Variants in LMO3 observed in about 807,000 individuals in gnomAD.
LMO3 encodes LIM domain only protein 3.
A neutral mutation model predicts 15.8 loss-of-function variants in LMO3; 2 were observed. The ratio of observed to expected loss-of-function variants is 0.13; its 90% CI spans 0.05 to 0.40. The LOEUF (loss-of-function observed/expected upper bound fraction) is 0.40, where lower values mean the gene tolerates loss of function less well. Ranked by LOEUF, LMO3 falls within the 10% of genes least tolerant of loss-of-function variation. The pLI is 0.99. For synonymous variants in LMO3, 62 were observed against 63.8 expected (o/e 0.97, Z 0.13); for missense variants, 86 against 182.2 (o/e 0.47, Z 3.04).
Position 16,591,569 on chromosome 12 carries a change from C to T in LMO3, c.206+9086G>A, listed in dbSNP as rs889743019. ...GCTTATGTCAAGGCCTTTTACAGTA[C>T]CTAGAATATACAGAATGATCACATT... On this transcript the variant is annotated intron_variant, in intron 2 of 3. Coordinates refer to ENST00000537304, the MANE Select transcript of LMO3 (RefSeq NM_018640.5). The surrounding 1 kb of genome is among the most constrained non-coding windows in gnomAD (Gnocchi z 4.1). Among the ~76,000 whole-genome samples the T allele has an allele frequency of 1.3e-5, 2 of 151,744 alleles. No individual in the cohort carries two copies. Among genetic ancestry groups the T allele is most frequent in the Non-Finnish European group, 2.9e-5 (2 of 67,912 alleles).
intron 2 of LMO3, among the ~76,000 whole-genome samples, chr12:16,574,454 T>C (rs1046255883): frequency 3.9e-5 from 6 of 152,138 alleles, no homozygotes; most frequent in African/African-American, 1.2e-4. Flanking sequence ...GATGGCATAA[T>C]AGATATTCCC....
In LMO3 at chr12:16,591,126, G is replaced by A. The variant is rs1181660241; in HGVS notation, c.206+9529C>T. Reference sequence around the variant, plus strand: ...AAATGTATACGGGGCATTGTTTGTTGCAACAGTGATAGGTGGTACCATAGA... The same window carrying A: ...AAATGTATACGGGGCATTGTTTGTTACAACAGTGATAGGTGGTACCATAGA... On this transcript the variant is annotated intron_variant, in intron 2 of 3. Transcript: ENST00000537304. The surrounding 1 kb of genome is among the most constrained non-coding windows in gnomAD (Gnocchi z 4.1). 6.6e-6 allele frequency among the ~76,000 whole-genome samples: 1 copy of A among 151,678 alleles called. No homozygotes were observed. Among genetic ancestry groups the A allele is most frequent in the Admixed American group, 6.6e-5 (1 of 15,214 alleles).
At position 16,591,195 on chromosome 12, in the gene LMO3, C is replaced by G. The variant is rs1943486067; in HGVS notation, c.206+9460G>C. 6.6e-6 allele frequency among the ~76,000 whole-genome samples: 1 copy of G among 151,956 alleles called. No individual in the cohort carries two copies. Among genetic ancestry groups the G allele is most frequent in the Non-Finnish European group, 1.5e-5 (1 of 67,944 alleles). On this transcript the variant is annotated intron_variant, in intron 2 of 3. Transcript: ENST00000537304. This position sits in a 1 kb window ranked among gnomAD's most constrained non-coding sequence, Gnocchi z 4.1. ...CTTATTCTTGCCCCTCCTGCTCTCC[C>G]ACACCCCAGCTGCACTAGTATCTGT...
In LMO3 at chr12:16,586,663, C is replaced by A. The variant is rs768994326; in HGVS notation, c.206+13992G>T. On this transcript the variant is annotated intron_variant, in intron 2 of 3. Coordinates refer to ENST00000537304, the MANE Select transcript of LMO3 (RefSeq NM_018640.5). The surrounding 1 kb of genome is among the most constrained non-coding windows in gnomAD (Gnocchi z 4.3). ...CCTAGGATGTGGCAATAAGGCTATA[C>A]CGTCGGGGTAGAGATTTCAAGATAC... 3.9e-5 allele frequency among the ~76,000 whole-genome samples: 6 copies of A among 152,184 alleles called. No homozygotes were observed. The highest frequency in any genetic ancestry group is 5.9e-5 in the Non-Finnish European group (4 of 68,040).
rs1157618170 is a variant in LMO3 at position 16,603,522 on chromosome 12, T to C, written c.-9+2544A>G. Among the ~76,000 whole-genome samples, 1 of 152,160 alleles carries C rather than the reference T, an allele frequency of 6.6e-6. No homozygotes were observed. Among genetic ancestry groups the C allele is most frequent in the Non-Finnish European group, 1.5e-5 (1 of 68,004 alleles). On this transcript the variant is annotated intron_variant, in intron 1 of 3. Transcript: ENST00000537304. This position sits in a 1 kb window ranked among gnomAD's most constrained non-coding sequence, Gnocchi z 4.9. ...ATCAGAACTCATAACTAGTTTTAGATTGGCATGTAAATTGTTCTGAGGGAA... is the reference window on the plus strand; with the variant it reads ...ATCAGAACTCATAACTAGTTTTAGACTGGCATGTAAATTGTTCTGAGGGAA...
chr12:16,567,767 A>C (rs1362570580), intron 2 of LMO3, among the ~76,000 whole-genome samples: 2 of 152,020 alleles, frequency 1.3e-5, no homozygotes, highest in Non-Finnish European at 2.9e-5. Context: ...TGGTATTTTA[A>C]GAGAATCCTC....
At chr12:16,553,079 A>C (rs1942051130) in intron 3 of LMO3, among the ~76,000 whole-genome samples, 1 of 152,136 alleles carries the variant, frequency 6.6e-6, no homozygotes, top group Admixed American at 6.5e-5. Flanking sequence ...CATAGGTAAA[A>C]TAGCCACCTT....
chr12:16,562,097 C>T (rs1382023126), intron 2 of LMO3, among the ~76,000 whole-genome samples: 3 of 152,054 alleles, frequency 2.0e-5, no homozygotes, highest in Non-Finnish European at 4.4e-5. Flanking sequence ...AGAACTTGCT[C>T]GAAAATGTAA....
At chr12:16,575,823 C>CAG (rs3029720) in intron 2 of LMO3, among the ~76,000 whole-genome samples, 151,800 of 152,216 alleles carry the variant, frequency 1, 75,693 homozygotes, top group East Asian at 1. Flanking sequence ...CTAAATTCTT[C>CAG]ACTTTCTACT....
At chr12:16,556,069 C>T (rs1182534772) in intron 3 of LMO3, among the ~76,000 whole-genome samples, 1 of 152,158 alleles carries the variant, frequency 6.6e-6, no homozygotes, top group Admixed American at 6.5e-5. Flanking sequence ...TTATCCACCT[C>T]AGCTTCCACA....
rs541791919 is a variant in LMO3, at chr12:16,596,636, C to G, written c.206+4019G>C. Among the ~76,000 whole-genome samples, 18 of 151,734 alleles carry G rather than the reference C, an allele frequency of 1.2e-4. No homozygotes were observed. The highest frequency in any genetic ancestry group is 4.3e-4 in the African/African-American group (18 of 41,488). On this transcript the variant is annotated intron_variant, in intron 2 of 3. Coordinates refer to ENST00000537304, the MANE Select transcript of LMO3 (RefSeq NM_018640.5). The surrounding 1 kb of genome is among the most constrained non-coding windows in gnomAD (Gnocchi z 4.3). ...AAGTATTTTGGTATTTCTCCTAGTT[C>G]TATTTAATGCTTGCTGCAAAACATT...
At chr12:16,558,765 C>T (rs10744129) in intron 3 of LMO3, among the ~76,000 whole-genome samples, 151,783 of 152,294 alleles carry the variant, frequency 1, 75,637 homozygotes, top group East Asian at 1. Context: ...GTGATACATG[C>T]CTTGTGGGAA....
At chr12:16,578,336 A>G (rs1943056853) in intron 2 of LMO3, among the ~76,000 whole-genome samples, 1 of 152,164 alleles carries the variant, frequency 6.6e-6, no homozygotes, top group South Asian at 2.1e-4. Flanking sequence ...CCTGAACAAT[A>G]TAAATTAAAA....
chr12:16,605,234 T>C, intron 1 of LMO3: 1 of 1,297,450 alleles, frequency 7.7e-7, no homozygotes, highest in Non-Finnish European at 9.8e-7. Flanking sequence ...ATGGATTTGA[T>C]TAAACTGTCA....
chr12:16,604,685 A>C lies in LMO3; in HGVS notation c.-9+1381T>G. 1.5e-6 allele frequency: 1 copy of C among 657,256 alleles called. No homozygotes were observed. The highest frequency in any genetic ancestry group is 2.6e-6 in the Non-Finnish European group (1 of 383,458). The allele number at this position is 657,256 out of a possible 1,614,324, so 40.7% of individuals were successfully genotyped here. ...AGGGATGGTTTGCAAAGAATGTAGC[A>C]GTATTTGTTGCATCTAGCAAGATTA... On this transcript the variant is annotated intron_variant, in intron 1 of 3. Coordinates refer to ENST00000537304, the MANE Select transcript of LMO3 (RefSeq NM_018640.5). This position sits in a 1 kb window ranked among gnomAD's most constrained non-coding sequence, Gnocchi z 5.3.
intron 2 of LMO3, among the ~76,000 whole-genome samples, chr12:16,568,319 A>G (rs1942690274): frequency 6.6e-6 from 1 of 152,246 alleles, no homozygotes; most frequent in Non-Finnish European, 1.5e-5. Flanking sequence ...AGATTGTTTT[A>G]GACTTGAGAT....
chr12:16,605,918 T>C (rs1943980734), intron 1 of LMO3, 148 bp downstream of exon 1: 3 of 1,273,680 alleles, frequency 2.4e-6, no homozygotes, highest in Admixed American at 2.0e-5. Flanking sequence ...AAAGTTGCAG[T>C]GCGGAGCTGG....
Position 16,551,166 on chromosome 12 carries a change from CA to C in LMO3, c.*55del. On this transcript the variant is annotated 3_prime_UTR_variant, in exon 4 of 4. Transcript: ENST00000537304. The stretch of plus-strand genomic sequence containing the variant: ...TGTCAATTCTTATGTACATGTGGAG[CA>C]AAAAAGATAAAAGAATGTAGTGCTT... The C allele has an allele frequency of 8.8e-7, 1 of 1,131,788 alleles. No individual in the cohort carries two copies. 70.1% of individuals were successfully genotyped at this position (1,131,788 alleles called of 1,614,324 possible). A position where few individuals can be genotyped will look rare whatever the true frequency, so the allele number is the denominator to read the frequency against.
chr12:16,575,482 A>G (rs1942965409), intron 2 of LMO3, among the ~76,000 whole-genome samples: 1 of 152,190 alleles, frequency 6.6e-6, no homozygotes, highest in Admixed American at 6.5e-5. Context: ...GGCTTAGTGT[A>G]TAAGAGCTAA....
Sources: allele counts gnomAD v4.1 joint callset (sites outside exome capture counted in the v4.1 genomes callset), GRCh38; gene constraint gnomAD v4.1.1; non-coding constraint Gnocchi (gnomAD v3.1); transcripts MANE v1.5; gene names NCBI Gene and HGNC (gene_info 2026-07-23, HGNC 2026-07-21).